PTDSS2: variants seen among roughly 807,000 people sequenced by gnomAD.
PTDSS2 encodes phosphatidylserine synthase 2, also known as PSS-2.
PTDSS2 carries 41 observed loss-of-function variants against 64.7 expected under a neutral mutation model. The observed-to-expected ratio is 0.63, with a 90% CI of 0.49 to 0.82. The LOEUF is 0.82. Among genes scored for constraint, PTDSS2 ranks in the 40% least tolerant of loss-of-function variants. The pLI is 0.00. For missense variants in PTDSS2, 485 were observed against 650.0 expected (o/e 0.75, Z 2.76); for synonymous variants, 297 against 277.8 (o/e 1.07, Z -0.69).
chr11:477,789 G>A (rs1450941622), intron 3 of PTDSS2, among the ~76,000 whole-genome samples: 3 of 152,232 alleles, frequency 2.0e-5, no homozygotes, highest in Non-Finnish European at 4.4e-5. Context: ...GGGCTGCCCC[G>A]AGTTAATTTC....
rs1252995281 is a variant in PTDSS2, at chr11:487,014, G to C, written c.511G>C (p.Gly171Arg). 2 of 1,613,598 alleles carry C rather than the reference G, an allele frequency of 1.2e-6. No individual in the cohort carries two copies. The highest frequency in any genetic ancestry group is 3.3e-5 in the Admixed American group (2 of 60,026). The change falls in exon 5 of 12, where the codon GGG becomes CGG. Residue 171 changes from glycine to arginine, a missense_variant. Transcript: ENST00000308020. ...LGVPLPERDY[G>R]GNCLIYDPDN... ...AGTCCCACTGCCAGAGAGAGACTAC[G>C]GGGGAAACTGCCTCATCTACGACCC...
rs1848637705 is a variant in PTDSS2, at chr11:490,709, C to T, written c.*127C>T. The T allele has an allele frequency of 4.0e-6, 4 of 994,404 alleles. No individual in the cohort carries two copies. Among genetic ancestry groups the T allele is most frequent in the Non-Finnish European group, 5.8e-6 (4 of 693,550 alleles). The allele number at this position is 994,404 out of a possible 1,614,324, so 61.6% of individuals were successfully genotyped here. A position where few individuals can be genotyped will look rare whatever the true frequency, so the allele number is the denominator to read the frequency against. On this transcript the variant is annotated 3_prime_UTR_variant, in exon 12 of 12. Coordinates refer to ENST00000308020, the MANE Select transcript of PTDSS2 (RefSeq NM_030783.3). Reference sequence around the variant, plus strand: ...GGTTTTTTGCTTTTCTCCTGTGCACCTGGCGAGGCTGAAGGCGAGGGGTGG... The same window carrying T: ...GGTTTTTTGCTTTTCTCCTGTGCACTTGGCGAGGCTGAAGGCGAGGGGTGG...
At chr11:458,983 T>G (rs1268093652) in intron 1 of PTDSS2, 1 of 152,284 alleles carries the variant, frequency 6.6e-6, no homozygotes, top group East Asian at 1.9e-4. Context: ...ATGAGGAAAC[T>G]GAGGCACGGA....
At chr11:464,864 G>A (rs1054948256) in intron 2 of PTDSS2, among the ~76,000 whole-genome samples, 1 of 152,140 alleles carries the variant, frequency 6.6e-6, no homozygotes, top group Admixed American at 6.5e-5. Context: ...ATCCTTACTT[G>A]TAATACATAT....
intron 3 of PTDSS2, among the ~76,000 whole-genome samples, chr11:474,484 G>C (rs1364194983): frequency 6.6e-6 from 1 of 151,912 alleles, no homozygotes; most frequent in Non-Finnish European, 1.5e-5. Context: ...GGTGGGTGAG[G>C]GCTCCAGATG....
intron 6 of PTDSS2, 142 bp downstream of exon 6, chr11:487,612 G>A (rs1848452037): frequency 1.2e-5 from 9 of 778,908 alleles, no homozygotes; most frequent in South Asian, 3.1e-5. Context: ...CCAGAGGTTC[G>A]AGAAGCCGTG....
At chr11:472,905 C>T (rs1471816235) in intron 2 of PTDSS2, among the ~76,000 whole-genome samples, 2 of 152,174 alleles carry the variant, frequency 1.3e-5, no homozygotes, top group Non-Finnish European at 2.9e-5. Context: ...GTGTGACTGT[C>T]GGCACGGCAC....
intron 3 of PTDSS2, among the ~76,000 whole-genome samples, chr11:474,978 G>A (rs866991369): frequency 7.3e-5 from 11 of 151,098 alleles, no homozygotes; most frequent in Admixed American, 2.6e-4. Context: ...ACATGTTCAC[G>A]CGTTTGTGAT....
chr11:450,967 C>T (rs1846297026), intron 1 of PTDSS2, among the ~76,000 whole-genome samples: 1 of 151,126 alleles, frequency 6.6e-6, no homozygotes, highest in African/African-American at 2.4e-5. Context: ...CAGACCCCTT[C>T]CCCGCCACCC....
intron 1 of PTDSS2, among the ~76,000 whole-genome samples, chr11:456,701 C>G (rs1006597731): frequency 6.6e-6 from 1 of 152,148 alleles, no homozygotes; most frequent in African/African-American, 2.4e-5. Context: ...GTTTCTGGGT[C>G]GCCGAATCCA....
At chr11:452,699 C>T (rs1182506590) in intron 1 of PTDSS2, among the ~76,000 whole-genome samples, 1 of 152,104 alleles carries the variant, frequency 6.6e-6, no homozygotes, top group African/African-American at 2.4e-5. Flanking sequence ...GCTGTGCCTC[C>T]TCCCTTCCCT....
chr11:490,497 A>T lies in PTDSS2; in HGVS notation c.1379A>T (p.Asn460Ile), dbSNP rs1223571408. Residue 460 changes from asparagine to isoleucine, a missense_variant, in exon 12 of 12, where the codon AAC becomes ATC. Around this residue, in one of 3 missense-constraint regions of PTDSS2, gnomAD observed 219 missense variants for 257.3 expected, o/e 0.85. Transcript: ENST00000308020. The part of the protein sequence containing the change: ...NKDDQGSTVG[N>I]GDQHPLGLDE... ...GATGACCAGGGCAGCACCGTCGGCA[A>T]CGGGGACCAGCACCCACTGGGGCTG... The T allele has an allele frequency of 1.2e-6, 2 of 1,613,166 alleles. No homozygotes were observed. The highest frequency in any genetic ancestry group is 1.7e-6 in the Non-Finnish European group (2 of 1,179,928).
chr11:456,312 G>A (rs1846594254), intron 1 of PTDSS2, among the ~76,000 whole-genome samples: 1 of 150,916 alleles, frequency 6.6e-6, no homozygotes. Flanking sequence ...AAGTAGCTGG[G>A]ACCAGACATG....
At chr11:451,867 A>G (rs1846345051) in intron 1 of PTDSS2, among the ~76,000 whole-genome samples, 1 of 152,214 alleles carries the variant, frequency 6.6e-6, no homozygotes, top group South Asian at 2.1e-4. Context: ...CAGGGAGGGC[A>G]TCCGAGCTCT....
At chr11:456,167 A>ATTTTTT (rs1590607987) in intron 1 of PTDSS2, among the ~76,000 whole-genome samples, 1 of 113,450 alleles carries the variant, frequency 8.8e-6, no homozygotes, top group African/African-American at 3.3e-5. Flanking sequence ...GTTTTCTTTC[A>ATTTTTT]TTCTTTTTTT....
At chr11:451,188 T>C (rs553651091) in intron 1 of PTDSS2, among the ~76,000 whole-genome samples, 1 of 152,264 alleles carries the variant, frequency 6.6e-6, no homozygotes, top group Admixed American at 6.5e-5. Context: ...GAATCCAGGC[T>C]CTGTTTCTCT....
intron 6 of PTDSS2, 23 bp from the exon 7 acceptor site, chr11:488,176 C>T: frequency 4.5e-6 from 7 of 1,572,294 alleles, no homozygotes; most frequent in Non-Finnish European, 6.1e-6. Flanking sequence ...GTCCCATACT[C>T]TGGCTGACCC....
chr11:450,342 G>C lies in PTDSS2; in HGVS notation c.-114G>C. On this transcript the variant is annotated 5_prime_UTR_variant, in exon 1 of 12. Coordinates refer to ENST00000308020, the MANE Select transcript of PTDSS2 (RefSeq NM_030783.3). The stretch of plus-strand genomic sequence containing the variant: ...TGCTCTCCTAAGACCCCGCGGGCCA[G>C]CGCCGCGACCCCTTCCCAGCGCTCC... 1.0e-6 allele frequency: 1 copy of C among 982,040 alleles called. No homozygotes were observed. Among genetic ancestry groups the C allele is most frequent in the Non-Finnish European group, 1.3e-6 (1 of 765,862 alleles). The allele number at this position is 982,040 out of a possible 1,614,324, so 60.8% of individuals were successfully genotyped here.
intron 1 of PTDSS2, among the ~76,000 whole-genome samples, chr11:456,256 C>A (rs537699666): frequency 6.7e-6 from 1 of 149,228 alleles, no homozygotes; most frequent in Admixed American, 6.7e-5. Flanking sequence ...TACTGCGGTC[C>A]CCGACTCCTG....
Sources: allele counts gnomAD v4.1 joint callset (sites outside exome capture counted in the v4.1 genomes callset), GRCh38; gene constraint gnomAD v4.1.1; regional missense constraint gnomAD v4.1.1; transcripts MANE v1.5; gene names NCBI Gene and HGNC (gene_info 2026-07-23, HGNC 2026-07-21).